Variants in SHLD2 observed in about 807,000 individuals in gnomAD.
SHLD2 encodes the protein shieldin complex subunit 2, also known as RINN1-REV7-interacting novel NHEJ regulator 2.
Under a neutral mutation model 73.2 loss-of-function variants are expected in SHLD2, and 30 were observed. The ratio of observed to expected loss-of-function variants is 0.41; its 90% CI spans 0.31 to 0.56. The LOEUF is 0.56. SHLD2 is among the 20% of genes least tolerant of loss of function. The pLI, the probability that SHLD2 is intolerant of heterozygous loss-of-function variation, is 0.28. For synonymous variants in SHLD2, 285 were observed against 370.1 expected (o/e 0.77, Z 2.64); for missense variants, 745 against 1,055.9 (o/e 0.71, Z 4.08).
chr10:87,138,960 G>A (rs1053644984), intron 2 of SHLD2, among the ~76,000 whole-genome samples: 2 of 152,176 alleles, frequency 1.3e-5, no homozygotes, highest in Non-Finnish European at 2.9e-5. Context: ...GAGAAGTCAA[G>A]GCAACTAGAA....
At chr10:87,189,974 G>A (rs1225076593) in intron 9 of SHLD2, among the ~76,000 whole-genome samples, 5 of 152,180 alleles carry the variant, frequency 3.3e-5, no homozygotes, top group African/African-American at 1.2e-4. Context: ...CCTGTTTCTT[G>A]TGTCAGGGGG....
intron 8 of SHLD2, among the ~76,000 whole-genome samples, chr10:87,181,516 T>C (rs1848314196): frequency 6.6e-6 from 1 of 152,226 alleles, no homozygotes; most frequent in South Asian, 2.1e-4. Flanking sequence ...TAAGCATTTA[T>C]TGGACAAAAA....
At chr10:87,113,295 AC>A (rs1843046445) in intron 2 of SHLD2, among the ~76,000 whole-genome samples, 1 of 152,114 alleles carries the variant, frequency 6.6e-6, no homozygotes, top group Non-Finnish European at 1.5e-5. Flanking sequence ...TTGCACTCCA[AC>A]CTGGTCAATA....
intron 7 of SHLD2, among the ~76,000 whole-genome samples, chr10:87,176,729 A>G (rs1378442719): frequency 6.6e-6 from 1 of 152,256 alleles, no homozygotes; most frequent in Non-Finnish European, 1.5e-5. Context: ...GTTTTCCAAT[A>G]TATGATTGAA....
chr10:87,155,820 A>G (rs1428307468), intron 3 of SHLD2, among the ~76,000 whole-genome samples: 1 of 152,136 alleles, frequency 6.6e-6, no homozygotes, highest in Non-Finnish European at 1.5e-5. Flanking sequence ...CCATTTTCCT[A>G]TTATAAGACA....
At chr10:87,105,776 G>C (rs1044397305) in intron 2 of SHLD2, among the ~76,000 whole-genome samples, 1 of 152,200 alleles carries the variant, frequency 6.6e-6, no homozygotes, top group Non-Finnish European at 1.5e-5. Context: ...TGGAGAAACA[G>C]CAGTTTCCTC....
At chr10:87,151,137 A>T (rs1253850992) in intron 2 of SHLD2, among the ~76,000 whole-genome samples, 1 of 152,136 alleles carries the variant, frequency 6.6e-6, no homozygotes, top group African/African-American at 2.4e-5. Flanking sequence ...GTGAGTCTTT[A>T]GGTGAAAAAT....
At chr10:87,150,211 C>G (rs1410516447) in intron 2 of SHLD2, among the ~76,000 whole-genome samples, 1 of 151,624 alleles carries the variant, frequency 6.6e-6, no homozygotes, top group African/African-American at 2.4e-5. Context: ...ACTTTAGGCA[C>G]GGGCCATCAC....
chr10:87,126,507 A>G (rs1844018972), intron 2 of SHLD2, among the ~76,000 whole-genome samples: 1 of 152,188 alleles, frequency 6.6e-6, no homozygotes, highest in African/African-American at 2.4e-5. Context: ...TAGAAGTAGT[A>G]TAGAAACTGC....
intron 8 of SHLD2, among the ~76,000 whole-genome samples, chr10:87,186,020 A>G (rs1340843781): frequency 2.6e-5 from 4 of 151,950 alleles, no homozygotes; most frequent in African/African-American, 9.7e-5. Context: ...ATTTCTTCCT[A>G]TCCCTCTACA....
chr10:87,132,918 T>C (rs1053796841), intron 2 of SHLD2, among the ~76,000 whole-genome samples: 3 of 152,236 alleles, frequency 2.0e-5, no homozygotes. Context: ...CTAAGTTTTT[T>C]TCATGAATTA....
At chr10:87,179,897 C>T (rs2134688530) in intron 7 of SHLD2, among the ~76,000 whole-genome samples, 178 bp from the exon 8 acceptor site, 1 of 152,332 alleles carries the variant, frequency 6.6e-6, no homozygotes, top group South Asian at 2.1e-4. Flanking sequence ...CTCTCAGTTG[C>T]AGCCAGACAT....
chr10:87,175,552 C>G (rs961386057), intron 6 of SHLD2, among the ~76,000 whole-genome samples: 2 of 151,770 alleles, frequency 1.3e-5, no homozygotes, highest in Non-Finnish European at 1.5e-5. Context: ...GGAGTGGTGG[C>G]ACGCACCTGT....
intron 2 of SHLD2, among the ~76,000 whole-genome samples, chr10:87,128,116 C>T (rs1368293419): frequency 6.6e-6 from 1 of 152,048 alleles, no homozygotes; most frequent in Non-Finnish European, 1.5e-5. Flanking sequence ...AGTGGTCTTT[C>T]AGGGATTGTT....
chr10:87,118,074 C>T (rs7084843), intron 2 of SHLD2, among the ~76,000 whole-genome samples: 53,597 of 151,968 alleles, frequency 0.35, 9,958 homozygotes, highest in African/African-American at 0.46. Context: ...TGTTCTAAGG[C>T]TCCCACGTGC....
In SHLD2 at chr10:87,132,988, G is replaced by C. The variant is rs1844538229; in HGVS notation, c.-5-18362G>C. Among the ~76,000 whole-genome samples, 3 of 151,900 alleles carry C rather than the reference G, an allele frequency of 2.0e-5. No individual in the cohort carries two copies. The South Asian group carries it at 6.2e-4, about 32-fold the overall frequency. The stretch of plus-strand genomic sequence containing the variant: ...TGAGTACTCACATATTTGTTGAAGG[G>C]CTCAATGGTCCCTAAAACCTTACAT... On this transcript the variant is annotated intron_variant, in intron 2 of 9. Transcript: ENST00000298786.
chr10:87,127,536 C>CCCCCGCCCCCCCCGT (rs1554829065), intron 2 of SHLD2, among the ~76,000 whole-genome samples: 51 of 65,318 alleles, frequency 7.8e-4, no homozygotes, highest in Non-Finnish European at 1.3e-3. Context: ...CCCGCCCCCC[C>CCCCCGCCCCCCCCGT]CCACCCCGTC....
rs1160319641 is a variant in SHLD2 at position 87,175,912 on chromosome 10, C to G, written c.1987C>G (p.Leu663Val). 2 of 1,550,174 alleles carry G rather than the reference C, an allele frequency of 1.3e-6. No homozygotes were observed. The highest frequency in any genetic ancestry group is 1.4e-5 in the African/African-American group (1 of 72,950). The change falls in exon 7 of 10, where the codon CTT becomes GTT. Residue 663 changes from leucine to valine, a missense_variant. Transcript: ENST00000298786. ...KKGYIWEFKY[L>V]FVQCNYTLEN... Reference sequence around the variant, plus strand: ...AGGTTATATTTGGGAATTTAAATATCTTTTTGTTCAGTGCAATTACACACT... The same window carrying G: ...AGGTTATATTTGGGAATTTAAATATGTTTTTGTTCAGTGCAATTACACACT...
intron 7 of SHLD2, among the ~76,000 whole-genome samples, chr10:87,179,262 T>C (rs1207385667): frequency 6.6e-6 from 1 of 152,138 alleles, no homozygotes; most frequent in East Asian, 1.9e-4. Context: ...TGAGAAACGA[T>C]TAATAAATGA....
Sources: allele counts gnomAD v4.1 joint callset (sites outside exome capture counted in the v4.1 genomes callset), GRCh38; gene constraint gnomAD v4.1.1; transcripts MANE v1.5; gene names NCBI Gene and HGNC (gene_info 2026-07-23, HGNC 2026-07-21).